COL6A3: variants seen among roughly 807,000 people sequenced by gnomAD.
COL6A3 encodes the protein collagen alpha-3(VI) chain.
In COL6A3, 137 loss-of-function variants were observed where a neutral mutation model predicts 274.1. The ratio of observed to expected loss-of-function variants is 0.50; its 90% CI spans 0.44 to 0.58. The LOEUF (loss-of-function observed/expected upper bound fraction) is 0.58. COL6A3 is among the 20% of genes least tolerant of loss of function. COL6A3 has a pLI of 0.00. For synonymous variants in COL6A3, 1,650 were observed against 1,650.6 expected, an observed-to-expected ratio of 1.00 and a Z score of 0.01; for missense variants, 3,950 against 4,124.9, an observed-to-expected ratio of 0.96 and a Z score of 1.16.
intron 38 of COL6A3, among the ~76,000 whole-genome samples, chr2:237,339,987 G>T (rs527828332): frequency 5.6e-4 from 85 of 152,278 alleles, no homozygotes; most frequent in African/African-American, 1.8e-3. Context: ...GGGAGGGGGA[G>T]CCCCATGAGC....
At position 237,374,535 on chromosome 2, in the gene COL6A3, C is replaced by A; in HGVS notation, c.3556G>T (p.Val1186Leu). Residue 1186 changes from valine (V) to leucine (L), a missense_variant, in exon 8 of 44, where the codon GTG (valine) becomes TTG (leucine). Physicochemically the swap from Val to Leu is conservative, Grantham distance 32 (BLOSUM62 1). This residue lies in a region of COL6A3 where 1,934 missense variants were observed against 1,984.3 expected (regional missense o/e 0.97). Coordinates refer to ENST00000295550, the MANE Select transcript of COL6A3 (RefSeq NM_004369.4). The surrounding 1 kb of genome is among the most constrained non-coding windows in gnomAD (Gnocchi z 4.8). ...QTISFIPDFA[V>L]AIPTFRQLGT... The stretch of plus-strand genomic sequence containing the variant: ...AGCTGGCGAAAGGTGGGAATGGCCA[C>A]GGCAAAGTCCGGGATGAAGGAGATG... 2 of 1,614,190 alleles carry A rather than the reference C, an allele frequency of 1.2e-6. No homozygotes were observed. The highest frequency in any genetic ancestry group is 1.7e-6 in the Non-Finnish European group (2 of 1,180,040).
chr2:237,324,900 C>G, intron 43 of COL6A3, 86 bp from the exon 44 acceptor site: 1 of 1,369,156 alleles, frequency 7.3e-7, no homozygotes, highest in Non-Finnish European at 1.0e-6. Context: ...CAAAAGGGCA[C>G]TGTCATTATC....
chr2:237,348,545 A>G, intron 29 of COL6A3, 68 bp downstream of exon 29: 1 of 1,483,674 alleles, frequency 6.7e-7, no homozygotes, highest in South Asian at 1.2e-5. Context: ...AAAACACAAC[A>G]CATCAGAAGT....
chr2:237,359,143 A>T, intron 19 of COL6A3, 55 bp from the exon 20 acceptor site: 1 of 1,613,514 alleles, frequency 6.2e-7, no homozygotes, highest in Non-Finnish European at 8.5e-7. Flanking sequence ...TCACAGACTG[A>T]GTTGTTAGTT....
At chr2:237,367,356 T>C in intron 10 of COL6A3, 70 bp from the exon 11 acceptor site, 1 of 1,510,926 alleles carries the variant, frequency 6.6e-7, no homozygotes, top group Non-Finnish European at 8.9e-7. Flanking sequence ...ACACAAAAGG[T>C]AAAATTAAAT....
intron 37 of COL6A3, 115 bp downstream of exon 37, chr2:237,341,950 G>T: frequency 1.1e-6 from 1 of 880,004 alleles, no homozygotes; most frequent in South Asian, 1.4e-5. Context: ...GAGGCTTTGT[G>T]AATCAATTGA....
Position 237,374,667 on chromosome 2 carries a change from C to T in COL6A3, c.3424G>A (p.Asp1142Asn), listed in dbSNP as rs777599612. Residue 1142 changes from aspartate to asparagine, a missense_variant, in exon 8 of 44, where the codon GAC becomes AAC. Asp to Asn is a conservative substitution (Grantham distance 23). Coordinates refer to ENST00000295550, the MANE Select transcript of COL6A3 (RefSeq NM_004369.4). This position sits in a 1 kb window ranked among gnomAD's most constrained non-coding sequence, Gnocchi z 4.8. The stretch of plus-strand genomic sequence containing the variant: ...TTCCGCACATCATCCCCAGACCTGT[C>T]GGCCGTGAGGACGATCAGCAGCTGG... The part of the protein sequence containing the change: ...VPQLLIVLTA[D>N]RSGDDVRNPS... 39 of 1,613,866 alleles carry T rather than the reference C, an allele frequency of 2.4e-5. No individual in the cohort carries two copies. Among genetic ancestry groups the T allele is most frequent in the Middle Eastern group, 1.6e-4 (1 of 6,084 alleles).
At chr2:237,337,977 T>C (rs72984184) in intron 39 of COL6A3, among the ~76,000 whole-genome samples, 11,008 of 152,338 alleles carry the variant, frequency 0.072, 495 homozygotes, top group Non-Finnish European at 0.1. Context: ...ACATGGAGTC[T>C]ATTTTTTGAT....
rs2078577332 is a variant in COL6A3 at position 237,401,076 on chromosome 2, G to A, written c.-30-4229C>T. On this transcript the variant is annotated intron_variant, in intron 1 of 43. Transcript: ENST00000295550. ...GATGCTGACTTAAAGACAGACATAT[G>A]AACCAATGGAACAGAATAGAGAGCC... Among the ~76,000 whole-genome samples the A allele has an allele frequency of 3.9e-5, 6 of 152,292 alleles. No individual in the cohort carries two copies. In the South Asian group the frequency reaches 1.2e-3, roughly 32 times the overall value.
chr2:237,389,718 A>G (rs999259563), intron 3 of COL6A3, among the ~76,000 whole-genome samples: 2 of 152,252 alleles, frequency 1.3e-5, no homozygotes, highest in African/African-American at 4.8e-5. Flanking sequence ...AGTTCCTAAC[A>G]ATATATTTGC....
intron 1 of COL6A3, among the ~76,000 whole-genome samples, chr2:237,399,276 C>A (rs1293484435): frequency 6.6e-6 from 1 of 152,204 alleles, no homozygotes; most frequent in African/African-American, 2.4e-5. Flanking sequence ...AAATCTGGAT[C>A]CTGGATCCAC....
intron 32 of COL6A3, among the ~76,000 whole-genome samples, chr2:237,345,414 G>C (rs111940831): frequency 4.6e-5 from 7 of 152,220 alleles, no homozygotes; most frequent in African/African-American, 1.7e-4. Flanking sequence ...GTTTCCCTGG[G>C]AGGTCATTTG....
rs2077352069 is a variant in COL6A3 at position 237,357,893 on chromosome 2, C to T, written c.6472-11G>A. The T allele has an allele frequency of 6.2e-7, 1 of 1,613,820 alleles. No homozygotes were observed. Among genetic ancestry groups the T allele is most frequent in the Non-Finnish European group, 8.5e-7 (1 of 1,179,828 alleles). ...TTGTCCTGGGTTACCCTGAAAGCAA[C>T]ATGGGAAAGGGAAATGAGCCACATA... On this transcript the variant is annotated splice_polypyrimidine_tract_variant and intron_variant, in intron 21 of 43. Coordinates refer to ENST00000295550, the MANE Select transcript of COL6A3 (RefSeq NM_004369.4).
intron 1 of COL6A3, among the ~76,000 whole-genome samples, chr2:237,398,199 A>G (rs958022135): frequency 3.3e-5 from 5 of 152,176 alleles, no homozygotes; most frequent in Admixed American, 2.0e-4. Flanking sequence ...CCAACCTCCA[A>G]TCTCACAGTG....
rs770508359 is a variant in COL6A3, at chr2:237,340,441, G to A, written c.8464+11C>T. On this transcript the variant is annotated intron_variant, in intron 38 of 43. Coordinates refer to ENST00000295550, the MANE Select transcript of COL6A3 (RefSeq NM_004369.4). The stretch of plus-strand genomic sequence containing the variant: ...CAGGCCAGGGCACATGCTGTGCCAC[G>A]CAGGACTTACTGCTGACGAAGGATG... The A allele has an allele frequency of 9.1e-5, 147 of 1,609,750 alleles. No individual in the cohort carries two copies. Among genetic ancestry groups the A allele is most frequent in the African/African-American group, 3.2e-4 (24 of 74,882 alleles).
rs1325798552 is a variant in COL6A3, at chr2:237,347,871, T to C, written c.6967-2A>G. ...TAGCCCAGGTTCACCTGGGTTACCC[T>C]GGGAAGAAAGCCGAGAAGTGGCACA... On this transcript the variant is annotated splice_acceptor_variant, in intron 30 of 43. Coordinates refer to ENST00000295550, the MANE Select transcript of COL6A3 (RefSeq NM_004369.4). LOFTEE classifies it high-confidence loss of function. The C allele has an allele frequency of 6.2e-7, 1 of 1,609,174 alleles. No homozygotes were observed.
At position 237,340,992 on chromosome 2, in the gene COL6A3, T is replaced by G. The variant is rs781775472; in HGVS notation, c.7924A>C (p.Ile2642Leu). The part of the protein sequence containing the change: ...LFQFNEMKKY[I>L]AYLVRQLDMS... ...TCCAGTTGTCTGACCAGGTACGCTA[T>G]GTACTTCTTCATCTCATTGAACTGG... Residue 2642 changes from isoleucine (I) to leucine (L), a missense_variant, in exon 38 of 44, where the codon ATA (isoleucine) becomes CTA (leucine). Physicochemically the swap from Ile to Leu is conservative, Grantham distance 5 (BLOSUM62 2). Coordinates refer to ENST00000295550, the MANE Select transcript of COL6A3 (RefSeq NM_004369.4). 7 of 1,614,076 alleles carry G rather than the reference T, an allele frequency of 4.3e-6. No individual in the cohort carries two copies. The highest frequency in any genetic ancestry group is 1.3e-5 in the African/African-American group (1 of 74,934).
intron 37 of COL6A3, among the ~76,000 whole-genome samples, chr2:237,341,856 A>T (rs1474153416): frequency 6.6e-6 from 1 of 152,254 alleles, no homozygotes. Context: ...AAAATGAATT[A>T]TCCGCCATCA....
chr2:237,344,466 T>G lies in COL6A3; in HGVS notation c.7552A>C (p.Thr2518Pro). Residue 2518 changes from threonine (T) to proline (P), a missense_variant, in exon 36 of 44, where the codon ACA becomes CCA. Physicochemically the swap from Thr to Pro is conservative, Grantham distance 38. Coordinates refer to ENST00000295550, the MANE Select transcript of COL6A3 (RefSeq NM_004369.4). The surrounding 1 kb of genome is among the most constrained non-coding windows in gnomAD (Gnocchi z 4.8). ...MRKVAVFFSN[T>P]PTRASPQLRE... ...AGCTGTGGGGATGCTCTTGTGGGTG[T>G]GTTGCTGAAGAAAACAGCCACTTTC... 8 of 1,614,214 alleles carry G rather than the reference T, an allele frequency of 5.0e-6. No homozygotes were observed. The highest frequency in any genetic ancestry group is 5.9e-6 in the Non-Finnish European group (7 of 1,180,028).
Sources: allele counts gnomAD v4.1 joint callset (sites outside exome capture counted in the v4.1 genomes callset), GRCh38; gene constraint gnomAD v4.1.1; regional missense constraint gnomAD v4.1.1; non-coding constraint Gnocchi (gnomAD v3.1); transcripts MANE v1.5; gene names NCBI Gene and HGNC (gene_info 2026-07-23, HGNC 2026-07-21).